The following ORC4 variants were observed in gnomAD, a reference collection of about 807,000 sequenced individuals.
ORC4 encodes origin recognition complex subunit 4, also known as origin recognition complex, subunit 4 homolog.
ORC4 carries 55 observed loss-of-function variants against 63.9 expected under a neutral mutation model. The observed-to-expected ratio is 0.86, with a 90% CI of 0.69 to 1.08. The LOEUF is 1.08. Ranked by LOEUF, ORC4 falls within the 50% of genes least tolerant of loss-of-function variation. ORC4 has a pLI of 0.00. For missense variants in ORC4, 511 were observed against 504.4 expected, an observed-to-expected ratio of 1.01 and a Z score of -0.13; for synonymous variants, 150 against 168.5, an observed-to-expected ratio of 0.89 and a Z score of 0.85.
chr2:147,937,779 A>AT (rs1688133345), intron 13 of ORC4, among the ~76,000 whole-genome samples: 1 of 152,022 alleles, frequency 6.6e-6, no homozygotes, highest in Non-Finnish European at 1.5e-5. Context: ...GGCCAATAAG[A>AT]TTTTGTCTTT....
At chr2:148,003,681 T>C (rs770822097) in intron 1 of ORC4, among the ~76,000 whole-genome samples, 3 of 152,126 alleles carry the variant, frequency 2.0e-5, no homozygotes, top group Non-Finnish European at 4.4e-5. Flanking sequence ...ACAGGAAGCA[T>C]TCCCTTTGAA....
intron 13 of ORC4, chr2:147,936,387 TTGAG>T (rs957932369): frequency 4.1e-4 from 63 of 152,310 alleles, no homozygotes; most frequent in African/African-American, 1.3e-3. Flanking sequence ...TTTTCTAACC[TTGAG>T]TGTTGTGTTA....
intron 4 of ORC4, among the ~76,000 whole-genome samples, chr2:147,966,502 T>A (rs910003935): frequency 2.0e-5 from 3 of 150,826 alleles, no homozygotes; most frequent in Admixed American, 6.6e-5. Context: ...AATAAATAAA[T>A]GAGAAAAGAA....
intron 4 of ORC4, chr2:147,960,535 T>G (rs1448825381): frequency 5.7e-6 from 1 of 175,306 alleles, no homozygotes; most frequent in African/African-American, 2.4e-5. Context: ...CCACATTCTT[T>G]GTGCCTAAAA....
chr2:147,990,486 T>C (rs888407664), intron 1 of ORC4, among the ~76,000 whole-genome samples: 2 of 152,368 alleles, frequency 1.3e-5, no homozygotes, highest in South Asian at 2.1e-4. Flanking sequence ...AATACTGATA[T>C]ATATTCCAAG....
intron 1 of ORC4, among the ~76,000 whole-genome samples, chr2:147,979,674 A>C (rs1690757535): frequency 6.6e-6 from 1 of 152,216 alleles, no homozygotes; most frequent in African/African-American, 2.4e-5. Flanking sequence ...ACCTGATTTC[A>C]ATACCTAGTG....
intron 1 of ORC4, among the ~76,000 whole-genome samples, chr2:148,002,329 C>T (rs746802472): frequency 6.6e-6 from 1 of 152,210 alleles, no homozygotes; most frequent in South Asian, 2.1e-4. Flanking sequence ...AGCACCACAT[C>T]GCACTTATTC....
chr2:147,981,504 G>C (rs73005154), intron 1 of ORC4, among the ~76,000 whole-genome samples: 2,536 of 152,296 alleles, frequency 0.017, 76 homozygotes, highest in African/African-American at 0.058. Context: ...CTGAGGATAA[G>C]GGAGGGACTA....
chr2:147,943,786 T>C (rs1688503535), intron 9 of ORC4, among the ~76,000 whole-genome samples: 1 of 152,080 alleles, frequency 6.6e-6, no homozygotes, highest in Admixed American at 6.6e-5. Context: ...CGTACTTGAA[T>C]AAGGGAAACT....
upstream of ORC4, chr2:148,021,108 C>G (rs1172701964): frequency 6.6e-6 from 1 of 152,500 alleles, no homozygotes; most frequent in Non-Finnish European, 1.5e-5. Context: ...GAGACCCCAG[C>G]AGCAGCAGCA....
At chr2:147,954,643 G>C (rs1354556086) in intron 7 of ORC4, among the ~76,000 whole-genome samples, 1 of 151,974 alleles carries the variant, frequency 6.6e-6, no homozygotes, top group Non-Finnish European at 1.5e-5. Flanking sequence ...AAATTTCAAA[G>C]GTCAATAAAA....
chr2:147,950,563 G>A (rs146449614), intron 8 of ORC4, among the ~76,000 whole-genome samples: 5 of 151,872 alleles, frequency 3.3e-5, no homozygotes, highest in Non-Finnish European at 5.9e-5. Flanking sequence ...TCAGGAGTTC[G>A]AGAGCAGCCT....
chr2:147,958,524 A>G (rs949400315), intron 5 of ORC4, 141 bp from the exon 6 acceptor site: 1 of 657,518 alleles, frequency 1.5e-6, no homozygotes. Flanking sequence ...AGCAATAAAG[A>G]CATTCGGTAG....
Position 147,952,485 on chromosome 2 carries a change from T to C in ORC4, c.476A>G (p.Asp159Gly), listed in dbSNP as rs1248567074. The change falls in exon 8 of 14, where the codon GAT becomes GGT. Residue 159 changes from aspartate (D) to glycine (G), a missense_variant. Coordinates refer to ENST00000392857, the MANE Select transcript of ORC4 (RefSeq NM_181741.4). Reference sequence around the variant, plus strand: ...ATGATGAGCAAAAAGATCAAATTCATCTAATATGAAGATCACTGGGCAACT... The same window carrying C: ...ATGATGAGCAAAAAGATCAAATTCACCTAATATGAAGATCACTGGGCAACT... ...TSSCPVIFIL[D>G]EFDLFAHHKN... is the part of the protein sequence containing the mutation. 1.2e-6 allele frequency: 2 copies of C among 1,611,466 alleles called. No homozygotes were observed. The highest frequency in any genetic ancestry group is 1.7e-6 in the Non-Finnish European group (2 of 1,177,680).
chr2:147,938,870 T>C (rs1688208115), intron 11 of ORC4, among the ~76,000 whole-genome samples: 1 of 152,122 alleles, frequency 6.6e-6, no homozygotes, highest in Admixed American at 6.6e-5. Flanking sequence ...ACCCAGAGAA[T>C]GCTCTTCAGT....
intron 1 of ORC4, among the ~76,000 whole-genome samples, chr2:148,019,347 T>C (rs1693524457): frequency 6.6e-6 from 1 of 152,160 alleles, no homozygotes; most frequent in African/African-American, 2.4e-5. Context: ...CCCAGCACTT[T>C]GGGAGGCCGA....
intron 2 of ORC4, 32 bp from the exon 3 acceptor site, chr2:147,973,556 A>C (rs532473139): frequency 8.7e-7 from 1 of 1,149,752 alleles, no homozygotes. Flanking sequence ...AATATAAATA[A>C]AAATATTACA....
intron 4 of ORC4, among the ~76,000 whole-genome samples, chr2:147,971,227 A>AAAAT (rs969119925): frequency 6.6e-6 from 1 of 151,968 alleles, no homozygotes; most frequent in Non-Finnish European, 1.5e-5. Context: ...TCCCATCTCA[A>AAAAT]AAATAAATAA....
At chr2:147,973,807 T>C (rs1488143389) in intron 2 of ORC4, among the ~76,000 whole-genome samples, 2 of 152,188 alleles carry the variant, frequency 1.3e-5, no homozygotes, top group Admixed American at 6.5e-5. Context: ...TTAAGGGCCA[T>C]TGTAATGCAT....
Sources: gnomAD v4.1 joint callset for allele counts (sites outside exome capture counted in the v4.1 genomes callset) on GRCh38, gnomAD v4.1.1 for gene constraint, MANE v1.5 for transcripts, NCBI Gene and HGNC (gene_info 2026-07-23, HGNC 2026-07-21) for gene names.